Variants in SCARF2 observed in about 807,000 individuals in gnomAD.
The protein encoded by SCARF2 is scavenger receptor expressed by endothelial cells 2 protein.
A neutral mutation model predicts 73.4 loss-of-function variants in SCARF2; 39 were observed. That is an observed-to-expected ratio of 0.53 (90% CI 0.41 to 0.69). The LOEUF is 0.69. SCARF2 is among the 30% of genes least tolerant of loss of function. The pLI, the probability that SCARF2 is intolerant of heterozygous loss-of-function variation, is 0.00. For synonymous variants in SCARF2, 605 were observed against 590.0 expected (o/e 1.03, Z -0.37); for missense variants, 1,148 against 1,303.5 (o/e 0.88, Z 1.84).
Position 20,436,676 on chromosome 22 carries a change from A to C in SCARF2, c.173+906T>G, listed in dbSNP as rs559904340. The stretch of plus-strand genomic sequence containing the variant: ...CCCGGCGGCCGCCTCTGCGGCTGCC[A>C]GCCCGTGCGGCGTCTCCAATCCGCG... On this transcript the variant is annotated intron_variant, in intron 1 of 10. Coordinates refer to ENST00000622235, the MANE Select transcript of SCARF2 (RefSeq NM_182895.5). Among the ~76,000 whole-genome samples the C allele has an allele frequency of 3.5e-3, 536 of 152,176 alleles. 5 individuals are homozygous for C. Among genetic ancestry groups the C allele is most frequent in the South Asian group, 0.011 (55 of 4,818 alleles).
Position 20,429,592 on chromosome 22 carries a change from C to G in SCARF2, c.1368G>C (p.Leu456=), listed in dbSNP as rs377181150. The change falls in exon 8 of 11, where the codon CTG becomes CTC. Residue 456 remains leucine (L), a synonymous_variant. Transcript: ENST00000622235. The surrounding 1 kb of genome is among the most constrained non-coding windows in gnomAD (Gnocchi z 5.2). ...AGALLVLLVC[L]LLSLLGCCCA... ...AGCAGCAGCCGAGCAGCGAGAGCAG[C>G]AGGCAGACGAGCAGGACGAGCAGCG... 36 of 1,613,416 alleles carry G rather than the reference C, an allele frequency of 2.2e-5. No homozygotes were observed. The highest frequency in any genetic ancestry group is 3.0e-5 in the Non-Finnish European group (35 of 1,179,924).
At chr22:20,432,524 G>C (rs144106551) in intron 1 of SCARF2, among the ~76,000 whole-genome samples, 340 of 152,262 alleles carry the variant, frequency 2.2e-3, no homozygotes, top group Non-Finnish European at 4.2e-3. Context: ...CAGGGGGACG[G>C]GGGGTGGCAT....
chr22:20,429,105 A>G lies in SCARF2; in HGVS notation c.1540+120T>C. On this transcript the variant is annotated intron_variant, in intron 9 of 10. Transcript: ENST00000622235. The surrounding 1 kb of genome is among the most constrained non-coding windows in gnomAD (Gnocchi z 5.2). ...TGGTCGCACCTCCTCGCGCCCACGC[A>G]CATCAACACTCAAGGTCCCCCATTT... 7.5e-7 allele frequency: 1 copy of G among 1,341,886 alleles called. No individual in the cohort carries two copies. The highest frequency in any genetic ancestry group is 1.1e-6 in the Non-Finnish European group (1 of 944,778). 83.1% of individuals were successfully genotyped at this position (1,341,886 alleles called of 1,614,324 possible).
intron 1 of SCARF2, among the ~76,000 whole-genome samples, chr22:20,437,065 G>T (rs1439882292): frequency 6.6e-6 from 1 of 152,004 alleles, no homozygotes; most frequent in Non-Finnish European, 1.5e-5. Context: ...GCTCGCCTGG[G>T]TCACCACCCT....
intron 10 of SCARF2, 104 bp downstream of exon 10, chr22:20,427,294 C>G (rs2052589359): frequency 7.1e-7 from 1 of 1,414,264 alleles, no homozygotes; most frequent in African/African-American, 1.4e-5. Flanking sequence ...CAAGGCCTTC[C>G]TCTCCATGCT....
rs2052562737 is a variant in SCARF2 at position 20,425,514 on chromosome 22, G to C, written c.2462C>G (p.Thr821Ser). The change falls in exon 11 of 11, where the codon ACC (threonine) becomes AGC (serine). Residue 821 changes from threonine to serine, a missense_variant. Thr to Ser is a moderately conservative substitution (Grantham distance 58). This residue lies in a region of SCARF2 where 169 missense variants were observed against 136.9 expected (regional missense o/e 1.23). Coordinates refer to ENST00000622235, the MANE Select transcript of SCARF2 (RefSeq NM_182895.5). The surrounding 1 kb of genome is among the most constrained non-coding windows in gnomAD (Gnocchi z 4.6). ...GGTCGCCGCCTTCTCAGGCCCCGGG[G>C]TTTCGGTCGCTGGGGGCGCGCGGGC... ...SPARAPPATE[T>S]PGPEKAATDL... is the part of the protein sequence containing the mutation. The C allele has an allele frequency of 2.2e-6, 3 of 1,355,818 alleles. No homozygotes were observed. Among genetic ancestry groups the C allele is most frequent in the Non-Finnish European group, 1.9e-6 (2 of 1,056,416 alleles). The allele number at this position is 1,355,818 out of a possible 1,614,324, so 84.0% of individuals were successfully genotyped here. A position where few individuals can be genotyped will look rare whatever the true frequency, so the allele number is the denominator to read the frequency against.
chr22:20,429,121 T>TCC lies in SCARF2; in HGVS notation c.1540+102_1540+103dup. 7.6e-6 allele frequency: 11 copies of TCC among 1,454,880 alleles called. No homozygotes were observed. The highest frequency in any genetic ancestry group is 3.5e-5 in the South Asian group (3 of 85,658). 90.1% of individuals were successfully genotyped at this position (1,454,880 alleles called of 1,614,324 possible). On this transcript the variant is annotated intron_variant, in intron 9 of 10. Coordinates refer to ENST00000622235, the MANE Select transcript of SCARF2 (RefSeq NM_182895.5). This position sits in a 1 kb window ranked among gnomAD's most constrained non-coding sequence, Gnocchi z 5.2. ...CGCCCACGCACATCAACACTCAAGG[T>TCC]CCCCCATTTCCTCACTGAGATCTGG...
rs1290926703 is a variant in SCARF2, at chr22:20,426,180, G to A, written c.1796C>T (p.Ala599Val). The change falls in exon 11 of 11, where the codon GCG (alanine) becomes GTG (valine). Residue 599 changes from alanine to valine, a missense_variant. By Grantham distance (64) the Ala-to-Val change is moderately conservative (BLOSUM62 0). Around this residue, in one of 5 missense-constraint regions of SCARF2, gnomAD observed 437 missense variants for 433.6 expected, o/e 1.01. Coordinates refer to ENST00000622235, the MANE Select transcript of SCARF2 (RefSeq NM_182895.5). ...GTCGGAGGACGCGGGGAGGGGTATC[G>A]CCTCCTCGGCGGAGGCTGGCGTGGT... ...PLTTPASAEE[A>V]IPLPASSDSE... 6 of 1,506,562 alleles carry A rather than the reference G, an allele frequency of 4.0e-6. No homozygotes were observed. Among genetic ancestry groups the A allele is most frequent in the East Asian group, 5.0e-5 (2 of 39,724 alleles). The allele number at this position is 1,506,562 out of a possible 1,614,324, so 93.3% of individuals were successfully genotyped here. A position where few individuals can be genotyped will look rare whatever the true frequency, so the allele number is the denominator to read the frequency against.
chr22:20,430,564 AAG>A lies in SCARF2; in HGVS notation c.1074-9_1074-8del, dbSNP rs1309824163. 3.7e-6 allele frequency: 6 copies of A among 1,612,050 alleles called. No homozygotes were observed. The highest frequency in any genetic ancestry group is 2.7e-5 in the African/African-American group (2 of 75,048). On this transcript the variant is annotated splice_region_variant and splice_polypyrimidine_tract_variant and intron_variant, in intron 5 of 10. Transcript: ENST00000622235. ...GCTACACTTGGTCTCGCACCTTGGA[AAG>A]AGGGGAGGAGGCGTCAGCAGAAATG... is the stretch of plus-strand genomic sequence containing the variant.
rs949437028 is a variant in SCARF2 at position 20,425,275 on chromosome 22, G to C, written c.*100C>G. The C allele has an allele frequency of 1.9e-6, 2 of 1,055,060 alleles. No individual in the cohort carries two copies. Among genetic ancestry groups the C allele is most frequent in the Admixed American group, 8.2e-5 (2 of 24,418 alleles). The allele number at this position is 1,055,060 out of a possible 1,614,324, so 65.4% of individuals were successfully genotyped here. ...AACCTCCGCTAGCCGCGCGGTGCCC[G>C]GCCAATAGGAGGCCGCCCGTGCCCG... On this transcript the variant is annotated 3_prime_UTR_variant, in exon 11 of 11. Coordinates refer to ENST00000622235, the MANE Select transcript of SCARF2 (RefSeq NM_182895.5). The surrounding 1 kb of genome is among the most constrained non-coding windows in gnomAD (Gnocchi z 4.6).
At chr22:20,428,681 G>A (rs2052607476) in intron 9 of SCARF2, among the ~76,000 whole-genome samples, 1 of 152,058 alleles carries the variant, frequency 6.6e-6, no homozygotes, top group Non-Finnish European at 1.5e-5. Flanking sequence ...TTAGAAATAA[G>A]TGGGAAAGAG....
In SCARF2 at chr22:20,429,504, C is replaced by T. The variant is rs1396059184; in HGVS notation, c.1424+32G>A. On this transcript the variant is annotated intron_variant, in intron 8 of 10. Coordinates refer to ENST00000622235, the MANE Select transcript of SCARF2 (RefSeq NM_182895.5). This position sits in a 1 kb window ranked among gnomAD's most constrained non-coding sequence, Gnocchi z 5.2. ...GGCACCCAGAGGGTGCGGCCTGAAC[C>T]CAGGCGAAAGCGGGGCAGTATCTGG... 1.2e-6 allele frequency: 2 copies of T among 1,609,542 alleles called. No individual in the cohort carries two copies. Among genetic ancestry groups the T allele is most frequent in the South Asian group, 1.1e-5 (1 of 90,834 alleles).
In SCARF2 at chr22:20,429,220, C is replaced by A. The variant is rs1569107575; in HGVS notation, c.1540+5G>T. ...CTCCCAGATACCCCGCGCTGTCATC[C>A]TTACCTACGACTTTGGGTAGTTTCT... On this transcript the variant is annotated splice_donor_5th_base_variant and intron_variant, in intron 9 of 10. Transcript: ENST00000622235. This position sits in a 1 kb window ranked among gnomAD's most constrained non-coding sequence, Gnocchi z 5.2. 6.2e-7 allele frequency: 1 copy of A among 1,614,006 alleles called. No individual in the cohort carries two copies. Among genetic ancestry groups the A allele is most frequent in the South Asian group, 1.1e-5 (1 of 91,068 alleles).
In SCARF2 at chr22:20,425,275, G is replaced by A. The variant is rs949437028; in HGVS notation, c.*100C>T. The A allele has an allele frequency of 3.2e-5, 34 of 1,055,178 alleles. No individual in the cohort carries two copies. In the South Asian group the frequency reaches 8.6e-4, roughly 27 times the overall value. 65.4% of individuals were successfully genotyped at this position (1,055,178 alleles called of 1,614,324 possible). A position where few individuals can be genotyped will look rare whatever the true frequency, so the allele number is the denominator to read the frequency against. ...AACCTCCGCTAGCCGCGCGGTGCCC[G>A]GCCAATAGGAGGCCGCCCGTGCCCG... is the stretch of plus-strand genomic sequence containing the variant. On this transcript the variant is annotated 3_prime_UTR_variant, in exon 11 of 11. Transcript: ENST00000622235. The surrounding 1 kb of genome is among the most constrained non-coding windows in gnomAD (Gnocchi z 4.6).
chr22:20,428,154 G>T (rs1030386626), intron 9 of SCARF2, among the ~76,000 whole-genome samples: 4 of 152,170 alleles, frequency 2.6e-5, no homozygotes, highest in African/African-American at 9.7e-5. Context: ...GGGCCAAGGG[G>T]TTTTCTCTCT....
Position 20,425,370 on chromosome 22 carries a change from G to C in SCARF2, c.*5C>G. ...GGGAGCTGCGCGCGGACGAGCCACAGCCTGCTACAGGGTGGGTGCGCCCGC... is the reference window on the plus strand; with the variant it reads ...GGGAGCTGCGCGCGGACGAGCCACACCCTGCTACAGGGTGGGTGCGCCCGC... On this transcript the variant is annotated 3_prime_UTR_variant, in exon 11 of 11. Transcript: ENST00000622235. The surrounding 1 kb of genome is among the most constrained non-coding windows in gnomAD (Gnocchi z 4.6). 2 of 1,413,714 alleles carry C rather than the reference G, an allele frequency of 1.4e-6. No individual in the cohort carries two copies. Among genetic ancestry groups the C allele is most frequent in the Non-Finnish European group, 9.3e-7 (1 of 1,079,388 alleles). The allele number at this position is 1,413,714 out of a possible 1,614,324, so 87.6% of individuals were successfully genotyped here.
chr22:20,431,041 G>A lies in SCARF2; in HGVS notation c.831C>T (p.Phe277=). Residue 277 remains phenylalanine, a synonymous_variant, in exon 4 of 11, where the codon TTC becomes TTT. Transcript: ENST00000622235. ...KYCREPCPAG[F]YGLGCRRRCG... Reference sequence around the variant, plus strand: ...ACCGGCGGCGACAGCCCAAGCCGTAGAAGCCGGCGGGGCACGGCTCGCGAC... The same window carrying A: ...ACCGGCGGCGACAGCCCAAGCCGTAAAAGCCGGCGGGGCACGGCTCGCGAC... 1 of 1,575,122 alleles carries A rather than the reference G, an allele frequency of 6.3e-7. No homozygotes were observed. The highest frequency in any genetic ancestry group is 8.6e-7 in the Non-Finnish European group (1 of 1,168,750).
rs1411240629 is a variant in SCARF2 at position 20,429,575 on chromosome 22, CCGAGCAGCGAGAGCAGCAGGCAGA to C, written c.1361_1384del (p.Val454_Leu461del). ...CTTGCCGCGGCAAGCGCAGCAGCAG[CCGAGCAGCGAGAGCAGCAGGCAGA>C]CGAGCAGGACGAGCAGCGCGCCCGC... On this transcript the variant is annotated inframe_deletion, in exon 8 of 11. Transcript: ENST00000622235. The surrounding 1 kb of genome is among the most constrained non-coding windows in gnomAD (Gnocchi z 5.2). 1 of 1,613,304 alleles carries C rather than the reference CCGAGCAGCGAGAGCAGCAGGCAGA, an allele frequency of 6.2e-7. No individual in the cohort carries two copies. The highest frequency in any genetic ancestry group is 1.7e-5 in the Admixed American group (1 of 60,008).
Position 20,429,402 on chromosome 22 carries a change from C to G in SCARF2, c.1425-62G>C, listed in dbSNP as rs1464375656. ...GGGCGGGGCCCAGGGGCGATTAGAT[C>G]TCGGCCGGAGCCAAGCACAGAAGGG... On this transcript the variant is annotated intron_variant, in intron 8 of 10. Coordinates refer to ENST00000622235, the MANE Select transcript of SCARF2 (RefSeq NM_182895.5). The surrounding 1 kb of genome is among the most constrained non-coding windows in gnomAD (Gnocchi z 5.2). 3 of 1,556,828 alleles carry G rather than the reference C, an allele frequency of 1.9e-6. No individual in the cohort carries two copies. Among genetic ancestry groups the G allele is most frequent in the South Asian group, 2.3e-5 (2 of 85,804 alleles).
Sources: allele counts gnomAD v4.1 joint callset (sites outside exome capture counted in the v4.1 genomes callset), GRCh38; gene constraint gnomAD v4.1.1; regional missense constraint gnomAD v4.1.1; non-coding constraint Gnocchi (gnomAD v3.1); transcripts MANE v1.5; gene names NCBI Gene and HGNC (gene_info 2026-07-23, HGNC 2026-07-21).